Variants in LACTB observed in about 807,000 individuals in gnomAD.
The protein encoded by LACTB is lactamase beta.
A neutral mutation model predicts 50.2 loss-of-function variants in LACTB; 35 were observed. The ratio of observed to expected loss-of-function variants is 0.70; its 90% CI spans 0.53 to 0.92. The LOEUF (loss-of-function observed/expected upper bound fraction) is 0.92. Among genes scored for constraint, LACTB ranks in the 40% least tolerant of loss-of-function variants. The pLI, the probability that LACTB is intolerant of heterozygous loss-of-function variation, is 0.00. For synonymous variants in LACTB, 252 were observed against 268.2 expected (o/e 0.94, Z 0.59); for missense variants, 664 against 691.8 (o/e 0.96, Z 0.45).
intron 5 of LACTB, among the ~76,000 whole-genome samples, chr15:63,136,687 A>C (rs2037181036): frequency 1.3e-5 from 2 of 152,164 alleles, no homozygotes; most frequent in African/African-American, 4.8e-5. Flanking sequence ...GGGGGAGTTC[A>C]GGGAGTAAAA....
chr15:63,132,689 T>G (rs980141762), intron 5 of LACTB, among the ~76,000 whole-genome samples: 1 of 152,082 alleles, frequency 6.6e-6, no homozygotes, highest in Non-Finnish European at 1.5e-5. Context: ...GGCATGGTAG[T>G]GTGTACCTGT....
At chr15:63,132,361 A>C (rs1397472735) in intron 5 of LACTB, among the ~76,000 whole-genome samples, 1 of 152,142 alleles carries the variant, frequency 6.6e-6, no homozygotes, top group African/African-American at 2.4e-5. Flanking sequence ...AGCTACATTT[A>C]TGTTGCTGCA....
At chr15:63,130,664 A>C (rs1164546507) in intron 5 of LACTB, 1 of 152,130 alleles carries the variant, frequency 6.6e-6, no homozygotes, top group Non-Finnish European at 1.5e-5. Context: ...CTGGTCTAGG[A>C]TCTAATCCAT....
chr15:63,137,279 C>T (rs1201320151), intron 5 of LACTB, among the ~76,000 whole-genome samples: 1 of 152,150 alleles, frequency 6.6e-6, no homozygotes, highest in African/African-American at 2.4e-5. Flanking sequence ...AATGTTCTTG[C>T]CACTGAAAGA....
Position 63,122,660 on chromosome 15 carries a change from G to A in LACTB, c.382G>A (p.Val128Met). ...IKDEVGAPGI[V>M]VGVSVDGKEV... ...GGATGAGGTGGGCGCACCGGGCATA[G>A]TGGTTGGAGTTTCTGTAGATGGAAA... Residue 128 changes from valine to methionine, a missense_variant, in exon 2 of 6, where the codon GTG (valine) becomes ATG (methionine). By Grantham distance (21) the Val-to-Met change is conservative. Coordinates refer to ENST00000261893, the MANE Select transcript of LACTB (RefSeq NM_032857.5). The A allele has an allele frequency of 1.2e-6, 2 of 1,614,034 alleles. No homozygotes were observed. The highest frequency in any genetic ancestry group is 1.7e-6 in the Non-Finnish European group (2 of 1,179,840).
chr15:63,141,212 T>C (rs535263793), intron 5 of LACTB, 68 bp from the exon 6 acceptor site: 1 of 1,503,390 alleles, frequency 6.7e-7, no homozygotes, highest in South Asian at 1.4e-5. Context: ...ATGTATACAT[T>C]TTTCTATCAT....
chr15:63,139,725 G>T (rs1323028499), intron 5 of LACTB, among the ~76,000 whole-genome samples: 1 of 151,888 alleles, frequency 6.6e-6, no homozygotes, highest in Non-Finnish European at 1.5e-5. Flanking sequence ...CCCAGCTACT[G>T]GGGAGGCTGA....
intron 2 of LACTB, among the ~76,000 whole-genome samples, chr15:63,124,919 A>G (rs891263658): frequency 1.3e-5 from 2 of 151,756 alleles, no homozygotes; most frequent in African/African-American, 4.8e-5. Context: ...CGTTCACTGC[A>G]CTCCAGCCTG....
chr15:63,131,396 T>C (rs950697570), intron 5 of LACTB: 1 of 152,264 alleles, frequency 6.6e-6, no homozygotes, highest in African/African-American at 2.4e-5. Context: ...ACTGTCATTA[T>C]TTAATATGTT....
At chr15:63,122,266 A>G in intron 1 of LACTB, 38 bp downstream of exon 1, 1 of 1,482,242 alleles carries the variant, frequency 6.7e-7, no homozygotes. Flanking sequence ...GGGGCCGGGG[A>G]TCCACCCCTG....
Position 63,127,586 on chromosome 15 carries a change from A to G in LACTB, c.849A>G (p.Lys283=), listed in dbSNP as rs752381714. The G allele has an allele frequency of 1.1e-5, 17 of 1,613,664 alleles. No homozygotes were observed. The highest frequency in any genetic ancestry group is 3.3e-5 in the South Asian group (3 of 91,046). Residue 283 remains lysine, a synonymous_variant, in exon 4 of 6, where the codon AAA becomes AAG. Transcript: ENST00000261893. ...GCCGGAATTCAAAACCTGGCAAGAA[A>G]AAGAATGATTTTGAACAAGGCGAAT... The part of the protein sequence containing the change: ...AKCRNSKPGK[K]KNDFEQGELY...
Position 63,141,387 on chromosome 15 carries a change from A to T in LACTB, c.1226A>T (p.Lys409Ile). The T allele has an allele frequency of 6.2e-7, 1 of 1,614,180 alleles. No homozygotes were observed. Reference protein sequence around the residue: ...GFLSTVGDLLKFGNAMLYGYQ... With the variant: ...GFLSTVGDLLIFGNAMLYGYQ... ...CTGTCTACAGTGGGTGACCTTCTGA[A>T]ATTTGGGAATGCAATGCTTTATGGT... The change falls in exon 6 of 6, where the codon AAA becomes ATA. Residue 409 changes from lysine (K) to isoleucine (I), a missense_variant. By Grantham distance (102) the Lys-to-Ile change is moderately radical. Transcript: ENST00000261893.
At chr15:63,124,152 G>A (rs149531338) in intron 2 of LACTB, among the ~76,000 whole-genome samples, 25 of 152,340 alleles carry the variant, frequency 1.6e-4, no homozygotes, top group African/African-American at 6.0e-4. Flanking sequence ...CTGTCTGGGC[G>A]TAACAGAACG....
chr15:63,130,732 C>T (rs1329411695), intron 5 of LACTB: 1 of 152,116 alleles, frequency 6.6e-6, no homozygotes, highest in East Asian at 1.9e-4. Context: ...ATCAGTTTGT[C>T]CCATTATTGC....
Position 63,122,056 on chromosome 15 carries a change from GCGCGGCCCCGGCGCAGTCCCC to G in LACTB, c.195_215del (p.Ala66_Pro72del), listed in dbSNP as rs2036978577. 1 of 1,429,570 alleles carries G rather than the reference GCGCGGCCCCGGCGCAGTCCCC, an allele frequency of 7.0e-7. No individual in the cohort carries two copies. Among genetic ancestry groups the G allele is most frequent in the Non-Finnish European group, 9.1e-7 (1 of 1,100,646 alleles). The allele number at this position is 1,429,570 out of a possible 1,614,324, so 88.6% of individuals were successfully genotyped here. The stretch of plus-strand genomic sequence containing the variant: ...GTGAAGCTGGCAGGTGGGCTGAGGG[GCGCGGCCCCGGCGCAGTCCCC>G]CGCGGCCCCCGACCCTGAGGCGTCG... On this transcript the variant is annotated inframe_deletion, in exon 1 of 6. Transcript: ENST00000261893.
chr15:63,129,955 T>C (rs553285225), intron 5 of LACTB: 1 of 197,674 alleles, frequency 5.1e-6, no homozygotes, highest in South Asian at 1.8e-4. Context: ...AGGTTTTAAC[T>C]AATACTTTGT....
rs773205311 is a variant in LACTB, at chr15:63,127,546, A to C, written c.809A>C (p.Glu270Ala). The change falls in exon 4 of 6, where the codon GAG becomes GCG. Residue 270 changes from glutamate to alanine, a missense_variant. By Grantham distance (107) the Glu-to-Ala change is moderately radical. Coordinates refer to ENST00000261893, the MANE Select transcript of LACTB (RefSeq NM_032857.5). The stretch of plus-strand genomic sequence containing the variant: ...TTTACTAAATTTAAAACAGAGCAGG[A>C]GAATGAAGCCAAATGCCGGAATTCA... ...NDFTKFKTEQ[E>A]NEAKCRNSKP... is the part of the protein sequence containing the mutation. 1 of 1,613,996 alleles carries C rather than the reference A, an allele frequency of 6.2e-7. No homozygotes were observed. Among genetic ancestry groups the C allele is most frequent in the Admixed American group, 1.7e-5 (1 of 60,020 alleles).
At chr15:63,133,291 TG>T (rs2037149263) in intron 5 of LACTB, among the ~76,000 whole-genome samples, 1 of 152,204 alleles carries the variant, frequency 6.6e-6, no homozygotes, top group Non-Finnish European at 1.5e-5. Context: ...ACATTTTCTA[TG>T]ACTTAGAGTT....
At position 63,141,367 on chromosome 15, in the gene LACTB, T is replaced by C; in HGVS notation, c.1206T>C (p.Ser402=). The C allele has an allele frequency of 6.2e-7, 1 of 1,614,256 alleles. No individual in the cohort carries two copies. Among genetic ancestry groups the C allele is most frequent in the South Asian group, 1.1e-5 (1 of 91,090 alleles). The change falls in exon 6 of 6, where the codon TCT becomes TCC. Residue 402 remains serine (S), a synonymous_variant. Transcript: ENST00000261893. ...AATGGGCTGGTGGTGGATTTCTGTC[T>C]ACAGTGGGTGACCTTCTGAAATTTG... ...SYKWAGGGFL[S]TVGDLLKFGN...
Sources: gnomAD v4.1 joint callset for allele counts (sites outside exome capture counted in the v4.1 genomes callset) on GRCh38, gnomAD v4.1.1 for gene constraint, MANE v1.5 for transcripts, NCBI Gene and HGNC (gene_info 2026-07-23, HGNC 2026-07-21) for gene names.